DEPTOR: variants seen among roughly 807,000 people sequenced by gnomAD.
DEPTOR encodes the protein DEP domain-containing mTOR-interacting protein.
DEPTOR carries 41 observed loss-of-function variants against 41.6 expected under a neutral mutation model. The ratio of observed to expected loss-of-function variants is 0.98; its 90% CI spans 0.77 to 1.28. The LOEUF is 1.28. Among genes scored for constraint, DEPTOR ranks in the 50% most tolerant of loss-of-function variants. DEPTOR has a pLI of 0.00. For synonymous variants in DEPTOR, 195 were observed against 192.3 expected (o/e 1.01, Z -0.12); for missense variants, 514 against 527.9 (o/e 0.97, Z 0.26).
intron 8 of DEPTOR, among the ~76,000 whole-genome samples, chr8:120,046,217 A>G (rs1429554283): frequency 6.6e-6 from 1 of 152,140 alleles, no homozygotes; most frequent in Non-Finnish European, 1.5e-5. Flanking sequence ...ATACCATGCA[A>G]TTTATCCATG....
intron 4 of DEPTOR, among the ~76,000 whole-genome samples, chr8:119,982,876 A>C (rs1210598403): frequency 6.6e-6 from 1 of 152,200 alleles, no homozygotes; most frequent in African/African-American, 2.4e-5. Flanking sequence ...TGGTCACCCC[A>C]TGCTGGAAGG....
chr8:119,964,829 T>G (rs968181234), intron 3 of DEPTOR, among the ~76,000 whole-genome samples: 2 of 152,046 alleles, frequency 1.3e-5, no homozygotes, highest in Non-Finnish European at 2.9e-5. Context: ...ATCCCAGCAC[T>G]TTGGGAGGCC....
chr8:120,031,569 C>T (rs1343151165), intron 8 of DEPTOR, among the ~76,000 whole-genome samples: 2 of 152,100 alleles, frequency 1.3e-5, no homozygotes, highest in African/African-American at 4.8e-5. Context: ...CATCACCTCC[C>T]AAAGCTGACT....
intron 4 of DEPTOR, among the ~76,000 whole-genome samples, chr8:119,984,951 C>G (rs1026517240): frequency 1.3e-5 from 2 of 152,126 alleles, no homozygotes; most frequent in African/African-American, 4.8e-5. Flanking sequence ...CTTTGGGAGG[C>G]CAAGGCAGGC....
chr8:119,989,807 A>C (rs1276192145), intron 4 of DEPTOR, among the ~76,000 whole-genome samples: 1 of 152,216 alleles, frequency 6.6e-6, no homozygotes, highest in Non-Finnish European at 1.5e-5. Flanking sequence ...TGATGACCTC[A>C]TCCATTGCTG....
intron 6 of DEPTOR, among the ~76,000 whole-genome samples, chr8:120,004,103 A>G (rs188267348): frequency 8.1e-4 from 124 of 152,320 alleles, no homozygotes; most frequent in African/African-American, 2.7e-3. Flanking sequence ...CCCCAACTCA[A>G]TGAAAACACC....
At chr8:119,914,516 G>A (rs1313082817) in intron 1 of DEPTOR, among the ~76,000 whole-genome samples, 3 of 149,578 alleles carry the variant, frequency 2.0e-5, no homozygotes, top group South Asian at 4.3e-4. Flanking sequence ...CTTGGCTCAC[G>A]GCAACCTCCG....
chr8:120,043,463 G>A (rs755784063), intron 8 of DEPTOR, among the ~76,000 whole-genome samples: 31 of 152,172 alleles, frequency 2.0e-4, no homozygotes, highest in Non-Finnish European at 4.3e-4. Flanking sequence ...TTCTTAAGAA[G>A]CTGAAAGAAG....
chr8:119,885,022 C>T (rs1042097359), intron 1 of DEPTOR, among the ~76,000 whole-genome samples: 2 of 152,106 alleles, frequency 1.3e-5, no homozygotes, highest in African/African-American at 2.4e-5. Flanking sequence ...GCAATCGGCC[C>T]GTTTTGGATT....
chr8:119,894,968 T>G (rs1827499711), intron 1 of DEPTOR, among the ~76,000 whole-genome samples: 1 of 152,186 alleles, frequency 6.6e-6, no homozygotes, highest in African/African-American at 2.4e-5. Context: ...GCTTTGGGAA[T>G]CGAATCTGTG....
chr8:119,940,579 C>T (rs1828189686), intron 3 of DEPTOR, among the ~76,000 whole-genome samples: 1 of 152,014 alleles, frequency 6.6e-6, no homozygotes, highest in South Asian at 2.1e-4. Context: ...AACCTCGTCT[C>T]TACTGAAAAT....
chr8:120,011,153 T>A (rs549682589), intron 8 of DEPTOR, among the ~76,000 whole-genome samples: 33 of 152,200 alleles, frequency 2.2e-4, no homozygotes, highest in Non-Finnish European at 4.1e-4. Flanking sequence ...CTGGAAAAAA[T>A]AAGTGGGCAA....
intron 4 of DEPTOR, among the ~76,000 whole-genome samples, chr8:119,988,435 A>G (rs1236722181): frequency 2.0e-5 from 3 of 152,204 alleles, no homozygotes; most frequent in Non-Finnish European, 4.4e-5. Flanking sequence ...TGGGAGTTGC[A>G]GACCAGAGCT....
chr8:119,891,375 T>G (rs1046489773), intron 1 of DEPTOR: 2 of 152,172 alleles, frequency 1.3e-5, no homozygotes, highest in Admixed American at 1.3e-4. Context: ...CCACAAAAGT[T>G]GTGAGCTCTG....
intron 1 of DEPTOR, among the ~76,000 whole-genome samples, chr8:119,907,668 C>T (rs575174964): frequency 6.6e-6 from 1 of 152,242 alleles, no homozygotes; most frequent in East Asian, 1.9e-4. Flanking sequence ...TGGCGCATGC[C>T]TGTAATCCCA....
intron 4 of DEPTOR, 138 bp from the exon 5 acceptor site, chr8:120,001,387 C>T (rs552523851): frequency 1.3e-4 from 91 of 707,798 alleles, no homozygotes; most frequent in Non-Finnish European, 1.8e-4. Flanking sequence ...GGCGGATGGG[C>T]GGCAGCTCAT....
intron 8 of DEPTOR, among the ~76,000 whole-genome samples, chr8:120,023,047 T>C (rs1232244669): frequency 6.6e-6 from 1 of 152,138 alleles, no homozygotes; most frequent in Non-Finnish European, 1.5e-5. Flanking sequence ...TTCTGGAGAA[T>C]GGAAGTCTGA....
intron 4 of DEPTOR, among the ~76,000 whole-genome samples, chr8:119,966,764 A>C (rs1828567881): frequency 6.6e-6 from 1 of 152,162 alleles, no homozygotes; most frequent in Non-Finnish European, 1.5e-5. Context: ...GGCGTGAACA[A>C]CCATGCCGGG....
chr8:119,918,167 C>G (rs1022644685), intron 1 of DEPTOR, among the ~76,000 whole-genome samples: 5 of 152,180 alleles, frequency 3.3e-5, no homozygotes, highest in Admixed American at 6.5e-5. Context: ...TTTTCTTTCT[C>G]TATACTTTGT....
Sources: gnomAD v4.1 joint callset for allele counts (sites outside exome capture counted in the v4.1 genomes callset) on GRCh38, gnomAD v4.1.1 for gene constraint, MANE v1.5 for transcripts, NCBI Gene and HGNC (gene_info 2026-07-23, HGNC 2026-07-21) for gene names.